The following SLC10A7 variants were observed in gnomAD, a reference collection of about 807,000 sequenced individuals.
SLC10A7 encodes the protein solute carrier family 10 member 7.
In SLC10A7, 29 loss-of-function variants were observed where a neutral mutation model predicts 43.2. The observed-to-expected ratio is 0.67, with a 90% CI of 0.50 to 0.92. The LOEUF (loss-of-function observed/expected upper bound fraction) is 0.92. Ranked by LOEUF, SLC10A7 falls within the 40% of genes least tolerant of loss-of-function variation. The probability of loss-of-function intolerance (pLI) is 0.00; values close to 1 mark genes in which losing one functional copy is unlikely to be tolerated. For missense variants in SLC10A7, 295 were observed against 403.2 expected, an observed-to-expected ratio of 0.73 and a Z score of 2.30; for synonymous variants, 152 against 144.8, an observed-to-expected ratio of 1.05 and a Z score of -0.35.
chr4:146,309,352 T>C (rs1157806498), intron 6 of SLC10A7, among the ~76,000 whole-genome samples: 1 of 152,150 alleles, frequency 6.6e-6, no homozygotes, highest in Non-Finnish European at 1.5e-5. Context: ...GACCACTTTC[T>C]ACATCTAGGG....
rs74288661 is a variant in SLC10A7 at position 146,433,442 on chromosome 4, G to A, written c.435+9341C>T. On this transcript the variant is annotated intron_variant, in intron 5 of 11. Transcript: ENST00000335472. Reference sequence around the variant, plus strand: ...TGAAATGATCAATAAACAGATACAAGATCAACTTCTCAGCCAAAAAATTAT... The same window carrying A: ...TGAAATGATCAATAAACAGATACAAAATCAACTTCTCAGCCAAAAAATTAT... 9.9e-5 allele frequency among the ~76,000 whole-genome samples: 15 copies of A among 151,964 alleles called. No individual in the cohort carries two copies. In the East Asian group the frequency reaches 1.7e-3, roughly 18 times the overall value.
intron 8 of SLC10A7, among the ~76,000 whole-genome samples, chr4:146,293,276 A>G (rs1016441120): frequency 2.6e-5 from 4 of 152,304 alleles, no homozygotes; most frequent in African/African-American, 7.2e-5. Flanking sequence ...TATACTATGA[A>G]TATTTCTACA....
chr4:146,486,114 TA>T (rs1734896769), intron 4 of SLC10A7, among the ~76,000 whole-genome samples: 1 of 152,220 alleles, frequency 6.6e-6, no homozygotes, highest in Non-Finnish European at 1.5e-5. Flanking sequence ...TATGGTTTTC[TA>T]AACCAAGGTG....
Position 146,255,867 on chromosome 4 carries a change from C to G in SLC10A7, c.*624G>C, listed in dbSNP as rs1727860627. 1 of 152,140 alleles carries G rather than the reference C, an allele frequency of 6.6e-6. No homozygotes were observed. The highest frequency in any genetic ancestry group is 1.5e-5 in the Non-Finnish European group (1 of 68,032). The allele number at this position is 152,140 out of a possible 1,614,324, so 9.4% of individuals were successfully genotyped here. On this transcript the variant is annotated 3_prime_UTR_variant, in exon 12 of 12. Coordinates refer to ENST00000335472, the MANE Select transcript of SLC10A7 (RefSeq NM_001029998.6). ...CATTCAGACCCTTTCTTTGAAGCAG[C>G]TTATAATAAATTTAAGACATATAAC...
chr4:146,469,343 G>C (rs1258443805), intron 4 of SLC10A7, among the ~76,000 whole-genome samples: 1 of 152,226 alleles, frequency 6.6e-6, no homozygotes, highest in South Asian at 2.1e-4. Context: ...AACTCAGTCA[G>C]CAGTTGCATG....
intron 5 of SLC10A7, among the ~76,000 whole-genome samples, chr4:146,374,619 TAC>T (rs59049339): frequency 0.068 from 8,339 of 123,330 alleles, 295 homozygotes; most frequent in African/African-American, 0.12. Flanking sequence ...TATATACACA[TAC>T]ACACACACAC....
intron 10 of SLC10A7, among the ~76,000 whole-genome samples, chr4:146,282,392 G>A (rs1578776590): frequency 6.6e-6 from 1 of 152,126 alleles, no homozygotes; most frequent in Non-Finnish European, 1.5e-5. Context: ...TAAGAACATT[G>A]TAATGATTCT....
chr4:146,465,856 GAATACA>G, intron 4 of SLC10A7, among the ~76,000 whole-genome samples: 1 of 152,188 alleles, frequency 6.6e-6, no homozygotes, highest in African/African-American at 2.4e-5. Flanking sequence ...GATTCTTCAA[GAATACA>G]AATGAGAAGG....
intron 5 of SLC10A7, among the ~76,000 whole-genome samples, chr4:146,374,653 C>T (rs1158714987): frequency 1.6e-4 from 24 of 147,130 alleles, no homozygotes; most frequent in Middle Eastern, 3.4e-3. Flanking sequence ...CACACACACA[C>T]ACACACACAT....
chr4:146,285,491 A>T (rs904249397), intron 9 of SLC10A7, among the ~76,000 whole-genome samples: 13 of 152,234 alleles, frequency 8.5e-5, no homozygotes, highest in Admixed American at 8.5e-4. Flanking sequence ...TAGAATGAGT[A>T]TAAGACCTTC....
At chr4:146,322,851 G>A (rs768120976) in intron 6 of SLC10A7, among the ~76,000 whole-genome samples, 3 of 152,086 alleles carry the variant, frequency 2.0e-5, no homozygotes, top group Non-Finnish European at 4.4e-5. Context: ...GTGTAAAAAT[G>A]TTCCTATTTC....
intron 5 of SLC10A7, among the ~76,000 whole-genome samples, chr4:146,344,923 T>C (rs1382379966): frequency 6.6e-6 from 1 of 152,158 alleles, no homozygotes; most frequent in African/African-American, 2.4e-5. Context: ...ATCACCCATA[T>C]AAACAACTGT....
At chr4:146,498,293 T>G (rs1228575157) in intron 4 of SLC10A7, among the ~76,000 whole-genome samples, 1 of 151,518 alleles carries the variant, frequency 6.6e-6, no homozygotes, top group African/African-American at 2.4e-5. Flanking sequence ...AATTTTTGTA[T>G]TTTTAGTAGA....
rs113892100 is a variant in SLC10A7, at chr4:146,311,751, G to GAAAGGGAA, written c.472-5750_472-5743dup. Among the ~76,000 whole-genome samples, 1,328 of 152,162 alleles carry GAAAGGGAA rather than the reference G, an allele frequency of 8.7e-3. 17 individuals are homozygous for GAAAGGGAA. The highest frequency in any genetic ancestry group is 0.031 in the African/African-American group (1,270 of 41,504). On this transcript the variant is annotated intron_variant, in intron 6 of 11. Coordinates refer to ENST00000335472, the MANE Select transcript of SLC10A7 (RefSeq NM_001029998.6). ...ATCACCCGCAGAGCCCAGCCCTGGG[G>GAAAGGGAA]AAAGGGAAAGGGAAGAAGGCTTGCT...
Position 146,294,063 on chromosome 4 carries a change from C to T in SLC10A7, c.588G>A (p.Glu196=), listed in dbSNP as rs750367226. Reference sequence around the variant, plus strand: ...TAGCACCAAAAGGAGGCTTCTTTCTCTCAAGCCAATCCTTGATGTATCTTC... The same window carrying T: ...TAGCACCAAAAGGAGGCTTCTTTCTTTCAAGCCAATCCTTGATGTATCTTC... ...IVRRYIKDWL[E]RKKPPFGAIS... Residue 196 remains glutamate, a synonymous_variant, in exon 8 of 12, where the codon GAG becomes GAA. Coordinates refer to ENST00000335472, the MANE Select transcript of SLC10A7 (RefSeq NM_001029998.6). The T allele has an allele frequency of 1.4e-5, 23 of 1,610,836 alleles. No homozygotes were observed. Among genetic ancestry groups the T allele is most frequent in the Admixed American group, 1.0e-4 (6 of 59,826 alleles).
At chr4:146,393,203 A>AG (rs1047019619) in intron 5 of SLC10A7, among the ~76,000 whole-genome samples, 6 of 150,824 alleles carry the variant, frequency 4.0e-5, no homozygotes, top group African/African-American at 1.2e-4. Flanking sequence ...AAAAAAAAAA[A>AG]AAAAAAAAAA....
chr4:146,386,706 TC>T (rs1376781175), intron 5 of SLC10A7, among the ~76,000 whole-genome samples: 3 of 152,182 alleles, frequency 2.0e-5, no homozygotes, highest in African/African-American at 7.2e-5. Flanking sequence ...ATCTTATCCA[TC>T]CTTCAAAGTC....
At chr4:146,264,278 C>T (rs929193350) in intron 10 of SLC10A7, among the ~76,000 whole-genome samples, 6 of 152,114 alleles carry the variant, frequency 3.9e-5, no homozygotes, top group Admixed American at 2.6e-4. Flanking sequence ...ATAATAACTA[C>T]TTTCTATTGG....
chr4:146,320,665 A>G (rs1177097897), intron 6 of SLC10A7, among the ~76,000 whole-genome samples: 1 of 152,088 alleles, frequency 6.6e-6, no homozygotes, highest in Non-Finnish European at 1.5e-5. Flanking sequence ...TGGAAGGACC[A>G]ACTATGTGAA....
Sources: allele counts gnomAD v4.1 joint callset (sites outside exome capture counted in the v4.1 genomes callset), GRCh38; gene constraint gnomAD v4.1.1; transcripts MANE v1.5; gene names NCBI Gene and HGNC (gene_info 2026-07-23, HGNC 2026-07-21).